SLC9A9: variants seen among roughly 807,000 people sequenced by gnomAD.
SLC9A9 encodes the protein solute carrier family 9 member A9.
Under a neutral mutation model 77.8 loss-of-function variants are expected in SLC9A9, and 62 were observed. The observed-to-expected ratio is 0.80, with a 90% CI of 0.65 to 0.98. The LOEUF (loss-of-function observed/expected upper bound fraction) is 0.98. Ranked by LOEUF, SLC9A9 falls within the 50% of genes least tolerant of loss-of-function variation. SLC9A9 has a pLI of 0.00. For synonymous variants in SLC9A9, 320 were observed against 283.5 expected (o/e 1.13, Z -1.29); for missense variants, 775 against 774.9 (o/e 1.00, Z 0.00).
chr3:143,804,763 C>A (rs1455096380), intron 2 of SLC9A9, among the ~76,000 whole-genome samples: 2 of 152,152 alleles, frequency 1.3e-5, no homozygotes, highest in Non-Finnish European at 2.9e-5. Flanking sequence ...CGGTTTAGGA[C>A]TTTCCACCTC....
chr3:143,476,592 A>C (rs1447942042), intron 11 of SLC9A9, among the ~76,000 whole-genome samples: 1 of 152,248 alleles, frequency 6.6e-6, no homozygotes, highest in Non-Finnish European at 1.5e-5. Flanking sequence ...TACTAGCTGA[A>C]ATCTTCAACA....
At chr3:143,649,259 G>A (rs1395830115) in intron 6 of SLC9A9, among the ~76,000 whole-genome samples, 1 of 152,150 alleles carries the variant, frequency 6.6e-6, no homozygotes, top group Non-Finnish European at 1.5e-5. Context: ...ATTTAGAAAT[G>A]CAAATCTATC....
intron 4 of SLC9A9, among the ~76,000 whole-genome samples, chr3:143,728,378 G>T (rs1039745260): frequency 2.6e-5 from 4 of 152,082 alleles, no homozygotes; most frequent in Non-Finnish European, 5.9e-5. Context: ...TCTAGGAGAA[G>T]AGCATTCCAT....
chr3:143,418,590 G>GAA (rs2034241037), intron 12 of SLC9A9, among the ~76,000 whole-genome samples: 1 of 152,148 alleles, frequency 6.6e-6, no homozygotes, highest in South Asian at 2.1e-4. Context: ...GTATTCTTAA[G>GAA]TCAGTGTGAA....
chr3:143,340,521 T>A (rs2032065393), intron 14 of SLC9A9, among the ~76,000 whole-genome samples: 1 of 152,190 alleles, frequency 6.6e-6, no homozygotes, highest in Admixed American at 6.5e-5. Context: ...GAAAACAAGA[T>A]CATTCTCCAT....
intron 1 of SLC9A9, chr3:143,847,850 CA>C (rs773868716): frequency 2.3e-6 from 1 of 440,254 alleles, no homozygotes; most frequent in Non-Finnish European, 4.2e-6. Flanking sequence ...AACATCATTA[CA>C]AAAACAAACA....
chr3:143,568,098 T>C (rs565370446), intron 8 of SLC9A9, among the ~76,000 whole-genome samples: 1 of 152,262 alleles, frequency 6.6e-6, no homozygotes, highest in East Asian at 1.9e-4. Flanking sequence ...TGGAAGGAAG[T>C]GTGATAGCTC....
chr3:143,796,772 T>C, intron 3 of SLC9A9, 54 bp downstream of exon 3: 1 of 1,270,646 alleles, frequency 7.9e-7, no homozygotes, highest in East Asian at 2.3e-5. Context: ...TCATTAGTGC[T>C]GGTAAAATTC....
At chr3:143,386,054 T>C (rs1325470207) in intron 12 of SLC9A9, among the ~76,000 whole-genome samples, 5 of 152,202 alleles carry the variant, frequency 3.3e-5, no homozygotes, top group Non-Finnish European at 7.3e-5. Context: ...CTCCAAGCAC[T>C]GTCCTCCCTT....
At chr3:143,500,158 A>G (rs2035902195) in intron 9 of SLC9A9, among the ~76,000 whole-genome samples, 1 of 152,134 alleles carries the variant, frequency 6.6e-6, no homozygotes, top group African/African-American at 2.4e-5. Flanking sequence ...CAAATATTTA[A>G]TAAATATGGG....
chr3:143,461,548 G>A (rs143722227), intron 12 of SLC9A9, among the ~76,000 whole-genome samples: 92 of 152,230 alleles, frequency 6.0e-4, no homozygotes, highest in Admixed American at 1.1e-3. Context: ...TCCTTATAAT[G>A]TTCGAAAGGG....
At chr3:143,807,989 C>T (rs138093174) in intron 2 of SLC9A9, among the ~76,000 whole-genome samples, 12 of 152,244 alleles carry the variant, frequency 7.9e-5, no homozygotes, top group African/African-American at 1.4e-4. Context: ...TGCAGAATCC[C>T]GGTGAGAGAG....
At chr3:143,468,655 G>A (rs1042735748) in intron 11 of SLC9A9, among the ~76,000 whole-genome samples, 1 of 152,084 alleles carries the variant, frequency 6.6e-6, no homozygotes, top group Admixed American at 6.6e-5. Context: ...AATCAAATGT[G>A]TCAGACAACA....
chr3:143,761,158 C>G (rs376310962), intron 4 of SLC9A9, among the ~76,000 whole-genome samples: 3 of 152,062 alleles, frequency 2.0e-5, no homozygotes, highest in South Asian at 2.1e-4. Context: ...GCTGAAACTG[C>G]ATCCCTTCCT....
At chr3:143,444,134 T>C (rs1210387101) in intron 12 of SLC9A9, among the ~76,000 whole-genome samples, 1 of 152,198 alleles carries the variant, frequency 6.6e-6, no homozygotes, top group Non-Finnish European at 1.5e-5. Context: ...TTTTACTGAC[T>C]TCCTAAAAAT....
chr3:143,646,131 G>A (rs893090105), intron 6 of SLC9A9, among the ~76,000 whole-genome samples: 2 of 151,892 alleles, frequency 1.3e-5, no homozygotes, highest in African/African-American at 4.8e-5. Flanking sequence ...TTTGGGACCA[G>A]AGTCTATCAT....
At chr3:143,812,792 T>G (rs145405395) in intron 2 of SLC9A9, among the ~76,000 whole-genome samples, 7 of 152,304 alleles carry the variant, frequency 4.6e-5, no homozygotes, top group Non-Finnish European at 1.0e-4. Flanking sequence ...TCAGAGCCAT[T>G]AATGGCTCCA....
chr3:143,525,263 C>G (rs3849196), intron 9 of SLC9A9, among the ~76,000 whole-genome samples: 77,926 of 151,894 alleles, frequency 0.51, 20,080 homozygotes, highest in Middle Eastern at 0.69. Flanking sequence ...TAATACAGAT[C>G]AACTATGAAA....
chr3:143,676,276 C>A (rs1268455448), intron 5 of SLC9A9, among the ~76,000 whole-genome samples: 6 of 152,094 alleles, frequency 3.9e-5, no homozygotes, highest in Non-Finnish European at 5.9e-5. Flanking sequence ...GCTGGGGACA[C>A]CTGACCTAGT....
Sources: gnomAD v4.1 joint callset for allele counts (sites outside exome capture counted in the v4.1 genomes callset) on GRCh38, gnomAD v4.1.1 for gene constraint, MANE v1.5 for transcripts, NCBI Gene and HGNC (gene_info 2026-07-23, HGNC 2026-07-21) for gene names.